Variants in CPAMD8 observed in about 807,000 individuals in gnomAD.
The protein encoded by CPAMD8 is C3 and PZP like alpha-2-macroglobulin domain containing 8.
In CPAMD8, 146 loss-of-function variants were observed where a neutral mutation model predicts 224.7. That is an observed-to-expected ratio of 0.65 (90% confidence interval 0.57 to 0.75). CPAMD8 has a LOEUF of 0.75. CPAMD8 is among the 30% of genes least tolerant of loss of function. The probability of loss-of-function intolerance (pLI) is 0.00; values close to 1 mark genes in which losing one functional copy is unlikely to be tolerated. For missense variants in CPAMD8, 2,301 were observed against 2,537.5 expected, an observed-to-expected ratio of 0.91 and a Z score of 2.00; for synonymous variants, 966 against 1,044.6, an observed-to-expected ratio of 0.92 and a Z score of 1.45.
chr19:16,896,961 C>A, intron 39 of CPAMD8: 1 of 295,100 alleles, frequency 3.4e-6, no homozygotes, highest in East Asian at 5.6e-5. Context: ...CCCTGCCGCG[C>A]CTCCTCCGCA....
intron 27 of CPAMD8, among the ~76,000 whole-genome samples, chr19:16,916,744 A>G (rs1428573878): frequency 6.6e-6 from 1 of 152,036 alleles, no homozygotes; most frequent in Admixed American, 6.6e-5. Flanking sequence ...GTCTCAGACA[A>G]AAAAGAATAA....
intron 22 of CPAMD8, among the ~76,000 whole-genome samples, chr19:16,940,942 T>G (rs549315461): frequency 6.6e-6 from 1 of 152,190 alleles, no homozygotes; most frequent in East Asian, 1.9e-4. Context: ...TTTTGTTTTT[T>G]GTTTTTGAGA....
intron 20 of CPAMD8, among the ~76,000 whole-genome samples, chr19:16,949,052 G>T (rs963158721): frequency 7.0e-6 from 1 of 142,736 alleles, no homozygotes; most frequent in Non-Finnish European, 1.5e-5. Flanking sequence ...AAGGACGGGA[G>T]GGGGGGAGGG....
chr19:16,990,863 C>CAAAAAAAAAAAAAAAA (rs3067791), intron 12 of CPAMD8, among the ~76,000 whole-genome samples: 77 of 73,130 alleles, frequency 1.1e-3, no homozygotes, highest in African/African-American at 1.4e-3. Flanking sequence ...AACTCTGTCT[C>CAAAAAAAAAAAAAAAA]AAAAAAAAAA....
chr19:16,997,453 G>T, intron 10 of CPAMD8, 115 bp from the exon 11 acceptor site: 1 of 685,884 alleles, frequency 1.5e-6, no homozygotes, highest in Non-Finnish European at 2.7e-6. Context: ...AGGGCCAGGG[G>T]TCACTTGGTG....
intron 29 of CPAMD8, among the ~76,000 whole-genome samples, chr19:16,910,294 CGAGT>C (rs1243887651): frequency 6.6e-6 from 1 of 151,954 alleles, no homozygotes; most frequent in African/African-American, 2.4e-5. Flanking sequence ...CTCAGCCTCC[CGAGT>C]AGCTGGGATT....
intron 18 of CPAMD8, among the ~76,000 whole-genome samples, chr19:16,962,281 C>G (rs2054682952): frequency 6.6e-6 from 1 of 152,074 alleles, no homozygotes; most frequent in African/African-American, 2.4e-5. Context: ...CGCAAGGAAG[C>G]TAAAAACCTT....
rs1338485027 is a variant in CPAMD8 at position 16,969,885 on chromosome 19, A to AAC, written c.2213+1005_2213+1006insGT. 1.5e-3 allele frequency among the ~76,000 whole-genome samples: 232 copies of AAC among 150,452 alleles called. 5 individuals carry two copies. Among genetic ancestry groups the AAC allele is most frequent in the African/African-American group, 5.4e-3 (219 of 40,878 alleles). ...CCAGGCTCCATCTCAAAAAAAAAAAAAAAACAAAAACAACGAAAAACTTAC... is the reference window on the plus strand; with the variant it reads ...CCAGGCTCCATCTCAAAAAAAAAAAAACAAAACAAAAACAACGAAAAACTTAC... On this transcript the variant is annotated intron_variant, in intron 18 of 41. Coordinates refer to ENST00000443236, the MANE Select transcript of CPAMD8 (RefSeq NM_015692.5).
chr19:16,962,953 G>A (rs909549858), intron 18 of CPAMD8, among the ~76,000 whole-genome samples: 3 of 152,156 alleles, frequency 2.0e-5, no homozygotes, highest in African/African-American at 7.2e-5. Flanking sequence ...AGCTTCATAA[G>A]TGAAGGAGAA....
At chr19:16,927,445 A>T (rs536557461) in intron 25 of CPAMD8, among the ~76,000 whole-genome samples, 1 of 152,136 alleles carries the variant, frequency 6.6e-6, no homozygotes, top group South Asian at 2.1e-4. Flanking sequence ...TAAATTACCC[A>T]GTCTTGGGTA....
intron 22 of CPAMD8, among the ~76,000 whole-genome samples, chr19:16,938,666 G>T (rs2053780159): frequency 6.6e-6 from 1 of 152,138 alleles, no homozygotes; most frequent in Admixed American, 6.5e-5. Context: ...AACTGAGGCT[G>T]CTCCCCCTTG....
intron 29 of CPAMD8, among the ~76,000 whole-genome samples, chr19:16,908,376 AT>A (rs201961338): frequency 0.021 from 2,985 of 139,966 alleles, 43 homozygotes; most frequent in Non-Finnish European, 0.031. Flanking sequence ...AAAAAAAAAA[AT>A]AATAGAAATA....
chr19:16,925,462 G>A, intron 25 of CPAMD8, 90 bp from the exon 26 acceptor site: 1 of 1,043,250 alleles, frequency 9.6e-7, no homozygotes. Context: ...GAGACAGTGA[G>A]TGTCATGCAG....
At chr19:16,962,436 G>T (rs1199943313) in intron 18 of CPAMD8, among the ~76,000 whole-genome samples, 1 of 152,138 alleles carries the variant, frequency 6.6e-6, no homozygotes, top group East Asian at 1.9e-4. Flanking sequence ...GGAAGAAAGG[G>T]TATCAGTGAT....
chr19:16,951,505 A>G (rs546840697), intron 20 of CPAMD8, among the ~76,000 whole-genome samples: 1 of 152,282 alleles, frequency 6.6e-6, no homozygotes, highest in East Asian at 1.9e-4. Flanking sequence ...CTTTTATGCT[A>G]TAAGGGCTGA....
chr19:16,962,240 C>T (rs760829421), intron 18 of CPAMD8, among the ~76,000 whole-genome samples: 1 of 152,184 alleles, frequency 6.6e-6, no homozygotes, highest in Non-Finnish European at 1.5e-5. Flanking sequence ...TAACAAACTT[C>T]TCTGAGCTAA....
intron 22 of CPAMD8, among the ~76,000 whole-genome samples, chr19:16,941,365 G>A (rs930730641): frequency 2.2e-5 from 3 of 138,566 alleles, no homozygotes; most frequent in Non-Finnish European, 3.2e-5. Flanking sequence ...AAGCAAGCAC[G>A]TATCTATGCT....
chr19:16,935,446 A>G (rs2053656264), intron 23 of CPAMD8, among the ~76,000 whole-genome samples: 1 of 152,184 alleles, frequency 6.6e-6, no homozygotes, highest in African/African-American at 2.4e-5. Flanking sequence ...CCTGGCAACC[A>G]CTAATATGAC....
chr19:16,990,667 A>C (rs530623269), intron 12 of CPAMD8, among the ~76,000 whole-genome samples: 1 of 151,934 alleles, frequency 6.6e-6, no homozygotes, highest in Non-Finnish European at 1.5e-5. Context: ...GATCGAGACC[A>C]TCCTGGCCAA....
Sources: allele counts gnomAD v4.1 joint callset (sites outside exome capture counted in the v4.1 genomes callset), GRCh38; gene constraint gnomAD v4.1.1; transcripts MANE v1.5; gene names NCBI Gene and HGNC (gene_info 2026-07-23, HGNC 2026-07-21).